THSD7A: variants seen among roughly 807,000 people sequenced by gnomAD.
THSD7A encodes thrombospondin type-1 domain-containing protein 7A.
Under a neutral mutation model 231.3 loss-of-function variants are expected in THSD7A, and 96 were observed. The observed-to-expected ratio is 0.41, with a 90% CI of 0.35 to 0.49. The LOEUF (loss-of-function observed/expected upper bound fraction) is 0.49, where lower values mean the gene tolerates loss of function less well. Ranked by LOEUF, THSD7A falls within the 20% of genes least tolerant of loss-of-function variation. The pLI is 0.05. For synonymous variants in THSD7A, 940 were observed against 743.3 expected (o/e 1.26, Z -4.30); for missense variants, 2,290 against 2,070.2 (o/e 1.11, Z -2.06).
intron 1 of THSD7A, among the ~76,000 whole-genome samples, chr7:11,734,732 C>A (rs544028091): frequency 5.6e-4 from 85 of 151,654 alleles, no homozygotes; most frequent in African/African-American, 2.1e-3. Context: ...AATTTTTTTC[C>A]CCATATTCAG....
At chr7:11,472,476 A>C (rs1054611881) in intron 8 of THSD7A, among the ~76,000 whole-genome samples, 7 of 152,146 alleles carry the variant, frequency 4.6e-5, no homozygotes, top group African/African-American at 1.7e-4. Flanking sequence ...AAAGGCAATA[A>C]TATTTTCTTT....
chr7:11,485,546 T>C (rs537316872), intron 6 of THSD7A, among the ~76,000 whole-genome samples: 108 of 152,318 alleles, frequency 7.1e-4, no homozygotes, highest in African/African-American at 2.5e-3. Context: ...AGTATTACTA[T>C]CTATTTTTTA....
intron 4 of THSD7A, among the ~76,000 whole-genome samples, chr7:11,565,019 A>G (rs1790246562): frequency 6.6e-6 from 1 of 152,164 alleles, no homozygotes; most frequent in Admixed American, 6.6e-5. Context: ...CTGTTGCAAC[A>G]CTGCAAATAT....
intron 23 of THSD7A, among the ~76,000 whole-genome samples, chr7:11,387,550 A>G (rs1433124582): frequency 6.6e-6 from 1 of 152,162 alleles, no homozygotes; most frequent in Non-Finnish European, 1.5e-5. Context: ...ATTTTTGCAC[A>G]TTGATTTTGT....
At chr7:11,501,933 G>A (rs993430587) in intron 6 of THSD7A, among the ~76,000 whole-genome samples, 2 of 152,086 alleles carry the variant, frequency 1.3e-5, no homozygotes, top group African/African-American at 4.8e-5. Context: ...AATTAGAAAT[G>A]ATGAAGGGAA....
chr7:11,626,732 C>T (rs894095895), intron 2 of THSD7A, among the ~76,000 whole-genome samples: 3 of 151,942 alleles, frequency 2.0e-5, no homozygotes, highest in Non-Finnish European at 2.9e-5. Flanking sequence ...TTTAAAAATT[C>T]TCAGAGACTA....
intron 24 of THSD7A, among the ~76,000 whole-genome samples, chr7:11,380,534 C>G (rs983885708): frequency 5.9e-5 from 9 of 152,064 alleles, no homozygotes; most frequent in Non-Finnish European, 1.0e-4. Context: ...GTGTTTCTCT[C>G]AATATTATAA....
chr7:11,622,325 T>C (rs1401612560), intron 2 of THSD7A, among the ~76,000 whole-genome samples: 1 of 152,088 alleles, frequency 6.6e-6, no homozygotes, highest in Non-Finnish European at 1.5e-5. Flanking sequence ...TTTTCAATTA[T>C]CTTTACCATC....
chr7:11,600,111 A>T (rs1372279841), intron 2 of THSD7A, among the ~76,000 whole-genome samples: 1 of 151,778 alleles, frequency 6.6e-6, no homozygotes, highest in Non-Finnish European at 1.5e-5. Flanking sequence ...TTAATAATAA[A>T]CTCATATATA....
chr7:11,452,609 T>C (rs145356248), intron 11 of THSD7A, among the ~76,000 whole-genome samples: 21 of 152,038 alleles, frequency 1.4e-4, no homozygotes, highest in African/African-American at 5.1e-4. Flanking sequence ...GAGACTGAGG[T>C]TGGCTAAGAT....
intron 1 of THSD7A, among the ~76,000 whole-genome samples, chr7:11,776,206 T>C (rs527940031): frequency 2.0e-5 from 3 of 152,318 alleles, no homozygotes; most frequent in South Asian, 4.1e-4. Flanking sequence ...ACCAAAGATC[T>C]GAAACATGAA....
At chr7:11,729,710 C>T (rs1265928068) in intron 1 of THSD7A, among the ~76,000 whole-genome samples, 1 of 151,514 alleles carries the variant, frequency 6.6e-6, no homozygotes. Context: ...GAAAGAAATC[C>T]ATTCATGGCC....
At chr7:11,749,705 C>A (rs1782435668) in intron 1 of THSD7A, among the ~76,000 whole-genome samples, 1 of 152,068 alleles carries the variant, frequency 6.6e-6, no homozygotes, top group South Asian at 2.1e-4. Context: ...CTCTTCCAAG[C>A]ATACCGGGAG....
intron 2 of THSD7A, among the ~76,000 whole-genome samples, chr7:11,605,773 T>C (rs973688188): frequency 1.3e-5 from 2 of 152,120 alleles, no homozygotes; most frequent in Non-Finnish European, 2.9e-5. Context: ...CCAGAGCAAC[T>C]TCCAGCCCTC....
intron 11 of THSD7A, among the ~76,000 whole-genome samples, chr7:11,458,520 T>C (rs1048197508): frequency 2.0e-5 from 3 of 152,148 alleles, no homozygotes; most frequent in Non-Finnish European, 4.4e-5. Context: ...ACTTCCCAGA[T>C]ATCCTGAAAA....
chr7:11,528,392 C>A (rs1401458622), intron 6 of THSD7A, among the ~76,000 whole-genome samples: 1 of 151,992 alleles, frequency 6.6e-6, no homozygotes, highest in African/African-American at 2.4e-5. Flanking sequence ...ATCCTTAAAG[C>A]GATTATTACA....
chr7:11,478,385 C>A (rs769121269), intron 7 of THSD7A, among the ~76,000 whole-genome samples: 11 of 152,296 alleles, frequency 7.2e-5, no homozygotes, highest in African/African-American at 1.4e-4. Context: ...ACCCTGCTCA[C>A]TGGCTCTGAA....
chr7:11,508,053 A>G (rs1244209487), intron 6 of THSD7A, among the ~76,000 whole-genome samples: 1 of 152,146 alleles, frequency 6.6e-6, no homozygotes, highest in East Asian at 1.9e-4. Flanking sequence ...GAGCAGGAAA[A>G]ACTGCCATTT....
chr7:11,735,151 C>G (rs1781870791), intron 1 of THSD7A, among the ~76,000 whole-genome samples: 1 of 151,854 alleles, frequency 6.6e-6, no homozygotes, highest in African/African-American at 2.4e-5. Flanking sequence ...CCAAATCATC[C>G]TGGGCAGGAT....
Sources: gnomAD v4.1 joint callset for allele counts (sites outside exome capture counted in the v4.1 genomes callset) on GRCh38, gnomAD v4.1.1 for gene constraint, MANE v1.5 for transcripts, NCBI Gene and HGNC (gene_info 2026-07-23, HGNC 2026-07-21) for gene names.